Variants in DCDC1 observed in about 807,000 individuals in gnomAD.
DCDC1 encodes the protein doublecortin domain containing 1.
A neutral mutation model predicts 178.3 loss-of-function variants in DCDC1; 200 were observed. The ratio of observed to expected loss-of-function variants is 1.12; its 90% CI spans 1.00 to 1.26. The LOEUF is 1.26. DCDC1 is among the 50% of genes most tolerant of loss of function. The pLI, the probability that DCDC1 is intolerant of heterozygous loss-of-function variation, is 0.00. For missense variants in DCDC1, 1,983 were observed against 1,749.2 expected, an observed-to-expected ratio of 1.13 and a Z score of -2.38; for synonymous variants, 690 against 604.8, an observed-to-expected ratio of 1.14 and a Z score of -2.07.
intron 20 of DCDC1, among the ~76,000 whole-genome samples, chr11:30,972,767 G>A (rs1160048555): frequency 6.6e-6 from 1 of 152,072 alleles, no homozygotes. Context: ...CAAGCCAAAT[G>A]GATTAAAAGA....
chr11:30,878,149 G>A (rs2133958352), intron 38 of DCDC1, among the ~76,000 whole-genome samples: 1 of 152,008 alleles, frequency 6.6e-6, no homozygotes, highest in East Asian at 1.9e-4. Flanking sequence ...AAATGCGGAG[G>A]GTAATAACCT....
At chr11:30,987,898 G>A (rs1950744674) in intron 20 of DCDC1, among the ~76,000 whole-genome samples, 1 of 152,136 alleles carries the variant, frequency 6.6e-6, no homozygotes. Flanking sequence ...GCAGCCCAGG[G>A]AAGCCAAAAA....
Position 31,097,089 on chromosome 11 carries a change from C to T in DCDC1, c.1984-2905G>A, listed in dbSNP as rs143212992. ...TCTTTTATTCTTTTAAACACTTACACATATAGGTCCTTTATGTGACCATTA... is the reference window on the plus strand; with the variant it reads ...TCTTTTATTCTTTTAAACACTTACATATATAGGTCCTTTATGTGACCATTA... On this transcript the variant is annotated intron_variant, in intron 15 of 38. Transcript: ENST00000684477. Among the ~76,000 whole-genome samples the T allele has an allele frequency of 8.8e-3, 1,341 of 152,358 alleles. 6 individuals carry two copies. Among genetic ancestry groups the T allele is most frequent in the Non-Finnish European group, 0.012 (840 of 68,040 alleles).
At chr11:31,165,068 C>T (rs1307083584) in intron 9 of DCDC1, among the ~76,000 whole-genome samples, 1 of 152,082 alleles carries the variant, frequency 6.6e-6, no homozygotes, top group African/African-American at 2.4e-5. Context: ...AGCAAATAGG[C>T]TATACCACAT....
intron 20 of DCDC1, among the ~76,000 whole-genome samples, chr11:31,053,530 A>G (rs2135422805): frequency 6.6e-6 from 1 of 152,298 alleles, no homozygotes; most frequent in South Asian, 2.1e-4. Flanking sequence ...TAACCAAAAA[A>G]GAAAACTACA....
chr11:31,071,555 T>C (rs1256536422), intron 18 of DCDC1, among the ~76,000 whole-genome samples: 1 of 152,178 alleles, frequency 6.6e-6, no homozygotes, highest in Non-Finnish European at 1.5e-5. Flanking sequence ...TCCCATACTG[T>C]CAACTCCAGG....
At chr11:31,065,708 A>C (rs1956209820) in intron 18 of DCDC1, among the ~76,000 whole-genome samples, 1 of 152,192 alleles carries the variant, frequency 6.6e-6, no homozygotes, top group Non-Finnish European at 1.5e-5. Context: ...ATAACAAACA[A>C]AGCAAAAAAT....
In DCDC1 at chr11:31,284,025, A is replaced by C. The variant is rs1248204372; in HGVS notation, c.960+6622T>G. 3.3e-5 allele frequency among the ~76,000 whole-genome samples: 5 copies of C among 152,044 alleles called. No homozygotes were observed. In the East Asian group the frequency reaches 7.8e-4, roughly 24 times the overall value. On this transcript the variant is annotated intron_variant, in intron 7 of 38. Transcript: ENST00000684477. ...ATCCATAAATTGCCTCCAGGTACAAAGACATAGTGAACTTTAGGACTCACT... is the reference window on the plus strand; with the variant it reads ...ATCCATAAATTGCCTCCAGGTACAACGACATAGTGAACTTTAGGACTCACT...
At chr11:31,182,235 A>G (rs967917598) in intron 9 of DCDC1, among the ~76,000 whole-genome samples, 1 of 152,172 alleles carries the variant, frequency 6.6e-6, no homozygotes, top group African/African-American at 2.4e-5. Flanking sequence ...TTCAGGAAAT[A>G]CAGAGAACAC....
At chr11:31,105,023 CAGT>C (rs1958759032) in intron 13 of DCDC1, among the ~76,000 whole-genome samples, 2 of 152,030 alleles carry the variant, frequency 1.3e-5, no homozygotes, top group South Asian at 2.1e-4. Flanking sequence ...AAATTAGACT[CAGT>C]AGAATTACTT....
intron 20 of DCDC1, among the ~76,000 whole-genome samples, chr11:31,026,163 G>A (rs1953217512): frequency 1.3e-5 from 2 of 151,716 alleles, no homozygotes; most frequent in South Asian, 4.1e-4. Flanking sequence ...AGCATAAAGA[G>A]CTCTGTTATC....
At chr11:31,188,567 A>T (rs144153224) in intron 9 of DCDC1, among the ~76,000 whole-genome samples, 1 of 152,266 alleles carries the variant, frequency 6.6e-6, no homozygotes, top group East Asian at 1.9e-4. Flanking sequence ...TTTCAGTAGA[A>T]CCATGTCAAA....
At chr11:31,306,826 T>C (rs1948493121) in intron 4 of DCDC1, among the ~76,000 whole-genome samples, 2 of 152,106 alleles carry the variant, frequency 1.3e-5, no homozygotes, top group South Asian at 2.1e-4. Context: ...CAAAGTTCTT[T>C]AACTTTTTTA....
At chr11:31,220,392 A>C (rs927257971) in intron 9 of DCDC1, among the ~76,000 whole-genome samples, 4 of 152,320 alleles carry the variant, frequency 2.6e-5, no homozygotes, top group African/African-American at 9.6e-5. Context: ...AATTTCCAAA[A>C]ATTTAAATTC....
chr11:31,164,109 A>T (rs1310680568), intron 9 of DCDC1, among the ~76,000 whole-genome samples: 1 of 152,202 alleles, frequency 6.6e-6, no homozygotes, highest in Non-Finnish European at 1.5e-5. Context: ...TCTTTATGAG[A>T]AAGGGCAAAG....
intron 7 of DCDC1, among the ~76,000 whole-genome samples, chr11:31,277,152 T>G (rs1946051826): frequency 6.6e-6 from 1 of 152,092 alleles, no homozygotes. Flanking sequence ...CTCCTGGCCC[T>G]AAGTCACCAA....
chr11:30,906,408 T>C (rs1945064296), intron 30 of DCDC1, 132 bp downstream of exon 30: 10 of 865,594 alleles, frequency 1.2e-5, no homozygotes, highest in South Asian at 6.0e-5. Flanking sequence ...GCAGGTAGAA[T>C]GGTAAAGGTG....
Position 30,931,774 on chromosome 11 carries a change from G to C in DCDC1, c.2894C>G (p.Thr965Arg). The change falls in exon 22 of 39, where the codon ACG (threonine) becomes AGG (arginine). Residue 965 changes from threonine (T) to arginine (R), a missense_variant. Thr to Arg is a moderately conservative substitution (Grantham distance 71). Transcript: ENST00000684477. ...LGPDISPGRKTQCTEILNLPS... is the reference protein window; with the variant it reads ...LGPDISPGRKRQCTEILNLPS... ...AGTATGAACAAGTTGTTCTTACTGC[G>C]TTTTCCGTCCAGGTGAGATATCTGG... is the stretch of plus-strand genomic sequence containing the variant. The C allele has an allele frequency of 6.2e-7, 1 of 1,608,180 alleles. No homozygotes were observed. Among genetic ancestry groups the C allele is most frequent in the Non-Finnish European group, 8.5e-7 (1 of 1,177,030 alleles).
chr11:31,077,187 C>T (rs1026287632), intron 18 of DCDC1, among the ~76,000 whole-genome samples: 2 of 152,094 alleles, frequency 1.3e-5, no homozygotes, highest in Non-Finnish European at 2.9e-5. Flanking sequence ...GACAGTAAAG[C>T]CCATTCTGTT....
Sources: allele counts gnomAD v4.1 joint callset (sites outside exome capture counted in the v4.1 genomes callset), GRCh38; gene constraint gnomAD v4.1.1; transcripts MANE v1.5; gene names NCBI Gene and HGNC (gene_info 2026-07-23, HGNC 2026-07-21).